The following NAALADL2 variants were observed in gnomAD, a reference collection of about 807,000 sequenced individuals.
NAALADL2 encodes inactive N-acetylated-alpha-linked acidic dipeptidase-like protein 2.
NAALADL2 carries 76 observed loss-of-function variants against 87.2 expected under a neutral mutation model. The ratio of observed to expected loss-of-function variants is 0.87; its 90% CI spans 0.72 to 1.05. The LOEUF (loss-of-function observed/expected upper bound fraction) is 1.05, where lower values mean the gene tolerates loss of function less well. Among genes scored for constraint, NAALADL2 ranks in the 50% least tolerant of loss-of-function variants. The pLI is 0.00. For missense variants in NAALADL2, 1,089 were observed against 945.8 expected (o/e 1.15, Z -1.99); for synonymous variants, 354 against 331.0 (o/e 1.07, Z -0.75).
At chr3:174,807,783 G>A (rs2109279423) in intron 3 of NAALADL2, among the ~76,000 whole-genome samples, 1 of 151,948 alleles carries the variant, frequency 6.6e-6, no homozygotes, top group Non-Finnish European at 1.5e-5. Context: ...AAGATACCTT[G>A]TATTTAAAAT....
chr3:175,774,253 T>C (rs745786491), intron 13 of NAALADL2, among the ~76,000 whole-genome samples: 34 of 152,194 alleles, frequency 2.2e-4, no homozygotes, highest in Non-Finnish European at 4.6e-4. Flanking sequence ...ATGCTTTCCT[T>C]GATACTAAAA....
intron 2 of NAALADL2, among the ~76,000 whole-genome samples, chr3:174,651,343 C>T (rs561865150): frequency 5.8e-4 from 89 of 152,152 alleles, no homozygotes; most frequent in African/African-American, 2.1e-3. Flanking sequence ...TATTATGTAG[C>T]GTATTTGAGG....
intron 1 of NAALADL2, among the ~76,000 whole-genome samples, chr3:174,502,961 G>A (rs1718987390): frequency 6.6e-6 from 1 of 151,802 alleles, no homozygotes; most frequent in Non-Finnish European, 1.5e-5. Flanking sequence ...CCTGGGAGTG[G>A]AGGTTGCAGT....
Position 174,668,981 on chromosome 3 carries a change from T to C in NAALADL2, c.-114-68660T>C, listed in dbSNP as rs537779647. Among the ~76,000 whole-genome samples the C allele has an allele frequency of 3.7e-3, 567 of 152,326 alleles. 3 individuals carry two copies. The highest frequency in any genetic ancestry group is 0.031 in the Admixed American group (472 of 15,286). ...AATGGTATTTCTAGTTCTAGATCCCTGAGGAATTGCCACACTGACTTCCAC... is the reference window on the plus strand; with the variant it reads ...AATGGTATTTCTAGTTCTAGATCCCCGAGGAATTGCCACACTGACTTCCAC... On this transcript the variant is annotated intron_variant, in intron 2 of 3. Transcript: ENST00000434257.
At chr3:175,447,983 C>G (rs577165914) in intron 6 of NAALADL2, among the ~76,000 whole-genome samples, 2 of 152,166 alleles carry the variant, frequency 1.3e-5, no homozygotes, top group Non-Finnish European at 2.9e-5. Flanking sequence ...AAAAGCCTCT[C>G]TTTACAATTT....
intron 1 of NAALADL2, among the ~76,000 whole-genome samples, chr3:174,986,556 C>T (rs981071332): frequency 1.3e-5 from 2 of 151,826 alleles, no homozygotes; most frequent in Non-Finnish European, 2.9e-5. Flanking sequence ...TAGTTCTGTA[C>T]TCAAAATTAA....
intron 1 of NAALADL2, among the ~76,000 whole-genome samples, chr3:174,512,716 G>C (rs539746912): frequency 2.0e-5 from 3 of 152,112 alleles, no homozygotes; most frequent in Admixed American, 6.5e-5. Context: ...GCTCTGTGTG[G>C]CTTCCTTCTT....
chr3:174,857,899 A>G (rs1403065139), upstream of NAALADL2, among the ~76,000 whole-genome samples: 1 of 151,942 alleles, frequency 6.6e-6, no homozygotes, highest in Non-Finnish European at 1.5e-5. Context: ...GTTTGCCTTT[A>G]TTTCTAATAC....
At chr3:175,797,412 G>A (rs990618749) in intron 13 of NAALADL2, among the ~76,000 whole-genome samples, 14 of 152,216 alleles carry the variant, frequency 9.2e-5, no homozygotes, top group African/African-American at 1.2e-4. Flanking sequence ...TATTGAATTA[G>A]ATCTATGCTA....
chr3:174,667,500 C>T (rs1726073396), intron 2 of NAALADL2, among the ~76,000 whole-genome samples: 2 of 146,734 alleles, frequency 1.4e-5, no homozygotes, highest in South Asian at 4.3e-4. Context: ...TTTTCATGGG[C>T]AGAAATGAGG....
chr3:174,981,816 C>G (rs1745158178), intron 1 of NAALADL2, among the ~76,000 whole-genome samples: 1 of 152,036 alleles, frequency 6.6e-6, no homozygotes, highest in South Asian at 2.1e-4. Flanking sequence ...CATACCATGC[C>G]TAAGATGTGG....
exon 2 of NAALADL2, chr3:174,550,625 G>T (rs936778477): frequency 6.6e-6 from 1 of 151,814 alleles, no homozygotes; most frequent in African/African-American, 2.4e-5. Context: ...TAAAGAAAAC[G>T]ATTAAAAACA....
intron 1 of NAALADL2, among the ~76,000 whole-genome samples, chr3:175,056,657 A>C (rs551080647): frequency 1.3e-5 from 2 of 152,336 alleles, no homozygotes; most frequent in East Asian, 3.9e-4. Flanking sequence ...TTACCTATGT[A>C]TTTATTAACA....
At chr3:175,302,815 C>A (rs551854056) in intron 4 of NAALADL2, among the ~76,000 whole-genome samples, 2 of 150,856 alleles carry the variant, frequency 1.3e-5, no homozygotes, top group South Asian at 4.2e-4. Context: ...TGTTTATTGA[C>A]CTGTCGAAAC....
chr3:175,087,415 C>T (rs976013278), intron 1 of NAALADL2, among the ~76,000 whole-genome samples: 15 of 152,232 alleles, frequency 9.9e-5, no homozygotes, highest in Admixed American at 2.6e-4. Context: ...GTGTACCCAA[C>T]GGCTCATTGA....
chr3:174,711,078 A>G (rs543264061), intron 2 of NAALADL2, among the ~76,000 whole-genome samples: 27 of 152,262 alleles, frequency 1.8e-4, no homozygotes, highest in African/African-American at 6.5e-4. Flanking sequence ...TGAAATTCTC[A>G]TGTCTATGTC....
chr3:175,457,197 C>A (rs1261969064), intron 6 of NAALADL2, among the ~76,000 whole-genome samples: 2 of 151,984 alleles, frequency 1.3e-5, no homozygotes, highest in African/African-American at 4.8e-5. Flanking sequence ...CTACCTGCCC[C>A]TACCATGATG....
At chr3:175,171,485 A>G (rs1445997200) in intron 2 of NAALADL2, among the ~76,000 whole-genome samples, 1 of 152,110 alleles carries the variant, frequency 6.6e-6, no homozygotes, top group Non-Finnish European at 1.5e-5. Context: ...GACAAAATGT[A>G]TAATTAGAAA....
intron 1 of NAALADL2, among the ~76,000 whole-genome samples, chr3:175,053,289 A>G (rs896716898): frequency 6.6e-6 from 1 of 152,182 alleles, no homozygotes; most frequent in African/African-American, 2.4e-5. Flanking sequence ...AGGAATACTC[A>G]TGGCAATGGT....
Sources: allele counts gnomAD v4.1 joint callset (sites outside exome capture counted in the v4.1 genomes callset), GRCh38; gene constraint gnomAD v4.1.1; transcripts MANE v1.5; gene names NCBI Gene and HGNC (gene_info 2026-07-23, HGNC 2026-07-21).